The following RORA variants were observed in gnomAD, a reference collection of about 807,000 sequenced individuals.
The protein encoded by RORA is RAR related orphan receptor A.
A neutral mutation model predicts 69.5 loss-of-function variants in RORA; 7 were observed. The observed-to-expected ratio is 0.10, with a 90% CI of 0.06 to 0.19. The LOEUF (loss-of-function observed/expected upper bound fraction) is 0.19, where lower values mean the gene tolerates loss of function less well. Ranked by LOEUF, RORA falls within the 10% of genes least tolerant of loss-of-function variation. The pLI is 1.00. For synonymous variants in RORA, 261 were observed against 240.8 expected (o/e 1.08, Z -0.78); for missense variants, 457 against 663.0 (o/e 0.69, Z 3.41).
chr15:60,743,781 A>G (rs2071610496), intron 1 of RORA, among the ~76,000 whole-genome samples: 1 of 152,234 alleles, frequency 6.6e-6, no homozygotes, highest in African/African-American at 2.4e-5. Flanking sequence ...GTTAGCAGTC[A>G]CTGTCTCAGT....
intron 1 of RORA, among the ~76,000 whole-genome samples, chr15:60,947,716 A>G (rs147220645): frequency 6.8e-6 from 1 of 146,428 alleles, no homozygotes; most frequent in Non-Finnish European, 1.5e-5. Flanking sequence ...AAAAAATGAA[A>G]CAAAAAAGGG....
At chr15:60,749,338 T>C (rs17270341) in intron 1 of RORA, among the ~76,000 whole-genome samples, 11,391 of 152,290 alleles carry the variant, frequency 0.075, 493 homozygotes, top group Admixed American at 0.12. Flanking sequence ...CTGATCCAGA[T>C]TGAATTACTG....
intron 1 of RORA, among the ~76,000 whole-genome samples, chr15:60,825,637 T>A (rs2072946065): frequency 6.6e-6 from 1 of 152,216 alleles, no homozygotes; most frequent in African/African-American, 2.4e-5. Flanking sequence ...CGTGCTGTGA[T>A]GCCACCTTCC....
At chr15:60,733,306 G>A (rs557420283) in intron 1 of RORA, among the ~76,000 whole-genome samples, 11 of 152,282 alleles carry the variant, frequency 7.2e-5, no homozygotes, top group African/African-American at 2.2e-4. Context: ...GCACAATATT[G>A]AGATGGGAAT....
intron 1 of RORA, among the ~76,000 whole-genome samples, chr15:61,043,091 G>A (rs141734214): frequency 2.6e-4 from 39 of 152,320 alleles, no homozygotes; most frequent in African/African-American, 7.2e-4. Context: ...CTTAAAAAGC[G>A]TTTTACACAG....
chr15:60,846,053 A>AT (rs2073261384), intron 1 of RORA, among the ~76,000 whole-genome samples: 1 of 152,190 alleles, frequency 6.6e-6, no homozygotes, highest in Admixed American at 6.5e-5. Context: ...CTGTGAAGCT[A>AT]TTTTTATTAC....
intron 2 of RORA, among the ~76,000 whole-genome samples, chr15:60,659,167 T>C (rs2070266237): frequency 6.6e-6 from 1 of 152,182 alleles, no homozygotes. Flanking sequence ...TGACACTCAG[T>C]CACTGGTCTG....
chr15:60,738,388 G>T (rs1486478358), intron 1 of RORA, among the ~76,000 whole-genome samples: 1 of 152,208 alleles, frequency 6.6e-6, no homozygotes, highest in African/African-American at 2.4e-5. Flanking sequence ...GCTGACTCCT[G>T]CCCCAACCAC....
At chr15:61,148,989 T>A (rs2079374724) in intron 1 of RORA, among the ~76,000 whole-genome samples, 1 of 152,200 alleles carries the variant, frequency 6.6e-6, no homozygotes, top group African/African-American at 2.4e-5. Context: ...CTGTTGGGGC[T>A]TCACATCAGA....
intron 1 of RORA, among the ~76,000 whole-genome samples, chr15:61,135,893 C>G (rs2079235385): frequency 6.7e-6 from 1 of 149,754 alleles, no homozygotes; most frequent in South Asian, 2.1e-4. Context: ...CTTTGAAACA[C>G]TAGTAAAACT....
At chr15:60,520,671 G>C (rs1290653273) in intron 3 of RORA, among the ~76,000 whole-genome samples, 2 of 152,078 alleles carry the variant, frequency 1.3e-5, no homozygotes, top group African/African-American at 4.8e-5. Flanking sequence ...GTCATACAGA[G>C]AGCAGGGGAA....
chr15:61,013,779 CTTTTTTTT>C (rs3053960), intron 1 of RORA, among the ~76,000 whole-genome samples: 2 of 70,934 alleles, frequency 2.8e-5, no homozygotes, highest in Admixed American at 2.1e-4. Context: ...ACTGGGTTGG[CTTTTTTTT>C]TTTTTTTTTT....
chr15:61,109,049 A>G (rs959910891), intron 1 of RORA, among the ~76,000 whole-genome samples: 9 of 152,124 alleles, frequency 5.9e-5, no homozygotes, highest in African/African-American at 2.2e-4. Context: ...TGCAAAAATT[A>G]ACTGGGTGTG....
intron 1 of RORA, among the ~76,000 whole-genome samples, chr15:60,918,644 T>A (rs976741959): frequency 6.6e-6 from 1 of 152,232 alleles, no homozygotes; most frequent in Admixed American, 6.5e-5. Flanking sequence ...TCATTCCCAA[T>A]TGACAGAAAA....
chr15:61,182,053 G>C (rs1171832665), intron 1 of RORA, among the ~76,000 whole-genome samples: 1 of 152,134 alleles, frequency 6.6e-6, no homozygotes, highest in African/African-American at 2.4e-5. Flanking sequence ...CTCAATTACA[G>C]AGACTCCAAG....
chr15:60,857,541 A>G (rs2073393771), intron 1 of RORA, among the ~76,000 whole-genome samples: 1 of 152,068 alleles, frequency 6.6e-6, no homozygotes, highest in African/African-American at 2.4e-5. Context: ...AGCTGAAGGT[A>G]TGCCTACTCC....
intron 1 of RORA, among the ~76,000 whole-genome samples, chr15:61,073,910 T>G (rs1156475043): frequency 6.6e-6 from 1 of 152,212 alleles, no homozygotes; most frequent in Admixed American, 6.5e-5. Context: ...TCAGATACAT[T>G]AATTTTCTGG....
chr15:60,580,707 C>T (rs1355610392), intron 2 of RORA, among the ~76,000 whole-genome samples: 1 of 152,198 alleles, frequency 6.6e-6, no homozygotes. Context: ...GCTCTGGGAG[C>T]TCCCCCTGAG....
At chr15:60,943,434 A>G (rs1048608384) in intron 1 of RORA, among the ~76,000 whole-genome samples, 2 of 152,096 alleles carry the variant, frequency 1.3e-5, no homozygotes, top group African/African-American at 4.8e-5. Flanking sequence ...GGTCATACTT[A>G]AAAAGAGATG....
Sources: allele counts gnomAD v4.1 joint callset (sites outside exome capture counted in the v4.1 genomes callset), GRCh38; gene constraint gnomAD v4.1.1; transcripts MANE v1.5; gene names NCBI Gene and HGNC (gene_info 2026-07-23, HGNC 2026-07-21).